The following GRM5 variants were observed in gnomAD, a reference collection of about 807,000 sequenced individuals.
GRM5 encodes glutamate metabotropic receptor 5.
GRM5 carries 19 observed loss-of-function variants against 83.1 expected under a neutral mutation model. That is an observed-to-expected ratio of 0.23 (90% CI 0.16 to 0.34). GRM5 has a LOEUF of 0.34. GRM5 is among the 10% of genes least tolerant of loss of function. The probability of loss-of-function intolerance (pLI) is 1.00; values close to 1 mark genes in which losing one functional copy is unlikely to be tolerated. For synonymous variants in GRM5, 675 were observed against 633.6 expected, an observed-to-expected ratio of 1.07 and a Z score of -0.98; for missense variants, 1,160 against 1,588.3, an observed-to-expected ratio of 0.73 and a Z score of 4.58.
intron 2 of GRM5, among the ~76,000 whole-genome samples, chr11:88,901,151 G>A (rs1402397484): frequency 6.6e-6 from 1 of 152,110 alleles, no homozygotes; most frequent in Non-Finnish European, 1.5e-5. Context: ...TGGGTAACTT[G>A]TGAGATCCGT....
intron 1 of GRM5, among the ~76,000 whole-genome samples, chr11:89,061,649 C>T (rs1450109060): frequency 6.6e-6 from 1 of 152,120 alleles, no homozygotes; most frequent in Non-Finnish European, 1.5e-5. Flanking sequence ...GTGAATTTTT[C>T]AATTTCCCCC....
chr11:88,961,102 G>T (rs187735526), intron 2 of GRM5, among the ~76,000 whole-genome samples: 2,559 of 152,236 alleles, frequency 0.017, 70 homozygotes, highest in African/African-American at 0.059. Flanking sequence ...GTTGCTAGGG[G>T]TACTGTGAAT....
intron 6 of GRM5, among the ~76,000 whole-genome samples, chr11:88,593,903 C>CCAGCCT (rs1312868618): frequency 6.6e-6 from 1 of 151,542 alleles, no homozygotes; most frequent in Non-Finnish European, 1.5e-5. Context: ...ACGCCATTCT[C>CCAGCCT]CAGCCTCAGC....
In GRM5 at chr11:88,794,332, T is replaced by C. The variant is rs2135478377; in HGVS notation, c.911+55574A>G. Among the ~76,000 whole-genome samples, 2 of 152,314 alleles carry C rather than the reference T, an allele frequency of 1.3e-5. 1 individual carries two copies. The highest frequency in any genetic ancestry group is 6.8e-3 in the Middle Eastern group (2 of 294). On this transcript the variant is annotated intron_variant, in intron 3 of 9. Coordinates refer to ENST00000305447, the MANE Select transcript of GRM5 (RefSeq NM_001143831.3). Reference sequence around the variant, plus strand: ...TCTAGTAATATGAGTTATTTCACTTTCCTCTGTAACACCATTCTGTGGACA... The same window carrying C: ...TCTAGTAATATGAGTTATTTCACTTCCCTCTGTAACACCATTCTGTGGACA...
intron 3 of GRM5, among the ~76,000 whole-genome samples, chr11:88,704,804 G>A (rs1393664156): frequency 6.6e-6 from 1 of 151,694 alleles, no homozygotes; most frequent in Admixed American, 6.6e-5. Flanking sequence ...TACTTTTTCT[G>A]TTCTCTCCTA....
chr11:88,975,186 A>G (rs1939293402), intron 2 of GRM5, among the ~76,000 whole-genome samples: 1 of 152,210 alleles, frequency 6.6e-6, no homozygotes, highest in Non-Finnish European at 1.5e-5. Context: ...AATTTCTCAA[A>G]TATATCATAT....
chr11:88,910,934 T>G (rs974329008), intron 2 of GRM5, among the ~76,000 whole-genome samples: 6 of 152,038 alleles, frequency 3.9e-5, no homozygotes, highest in African/African-American at 1.4e-4. Context: ...CCCTTTTCAG[T>G]AGCTAGAGAA....
Position 88,597,447 on chromosome 11 carries a change from T to C in GRM5, c.1395-95A>G, listed in dbSNP as rs1252497802. 3 of 645,188 alleles carry C rather than the reference T, an allele frequency of 4.6e-6. No homozygotes were observed. In the Admixed American group the frequency reaches 1.0e-4, roughly 22 times the overall value. 40.0% of individuals were successfully genotyped at this position (645,188 alleles called of 1,614,324 possible). A position where few individuals can be genotyped will look rare whatever the true frequency, so the allele number is the denominator to read the frequency against. The stretch of plus-strand genomic sequence containing the variant: ...TTTATTCCCAAAAATGTGTCTATTG[T>C]CATATAAGTAGCACTGGAATTTTCC... On this transcript the variant is annotated intron_variant, in intron 5 of 9. Coordinates refer to ENST00000305447, the MANE Select transcript of GRM5 (RefSeq NM_001143831.3).
intron 3 of GRM5, among the ~76,000 whole-genome samples, chr11:88,718,112 G>A (rs1941440540): frequency 6.6e-6 from 1 of 151,726 alleles, no homozygotes; most frequent in African/African-American, 2.4e-5. Context: ...TACCTTTCCA[G>A]AATTAATTCT....
At chr11:88,718,799 A>G (rs1362879629) in intron 3 of GRM5, among the ~76,000 whole-genome samples, 1 of 152,006 alleles carries the variant, frequency 6.6e-6, no homozygotes, top group East Asian at 1.9e-4. Context: ...ACCTTTATAG[A>G]CTAAAGGCTT....
chr11:88,607,996 G>A (rs1265502028), intron 4 of GRM5, among the ~76,000 whole-genome samples: 1 of 152,180 alleles, frequency 6.6e-6, no homozygotes, highest in Non-Finnish European at 1.5e-5. Context: ...CAATGATTTA[G>A]CACAGTAAGT....
intron 2 of GRM5, among the ~76,000 whole-genome samples, chr11:88,962,448 T>C (rs1938815404): frequency 6.6e-6 from 1 of 152,216 alleles, no homozygotes; most frequent in South Asian, 2.1e-4. Context: ...ACTCATCCAA[T>C]TATTTTCTAA....
intron 2 of GRM5, among the ~76,000 whole-genome samples, chr11:88,977,717 T>C (rs912190917): frequency 6.6e-6 from 1 of 152,226 alleles, no homozygotes; most frequent in Non-Finnish European, 1.5e-5. Flanking sequence ...TAATTCAAGA[T>C]TTCATATTTT....
intron 3 of GRM5, among the ~76,000 whole-genome samples, chr11:88,795,935 A>G (rs1943266967): frequency 6.6e-6 from 1 of 152,206 alleles, no homozygotes; most frequent in Non-Finnish European, 1.5e-5. Flanking sequence ...TTAGCTAATC[A>G]TCTGGATTGT....
chr11:88,842,277 T>A (rs1442071614), intron 3 of GRM5, among the ~76,000 whole-genome samples: 1 of 152,164 alleles, frequency 6.6e-6, no homozygotes, highest in Non-Finnish European at 1.5e-5. Context: ...CAAAAATAAA[T>A]TTCAACCTAT....
chr11:88,960,220 T>C (rs915676918), intron 2 of GRM5, among the ~76,000 whole-genome samples: 5 of 151,574 alleles, frequency 3.3e-5, no homozygotes, highest in African/African-American at 1.2e-4. Context: ...TGTAGGTCTA[T>C]TTATATTTAG....
chr11:89,036,773 C>T (rs1369786102), intron 2 of GRM5, among the ~76,000 whole-genome samples: 2 of 151,262 alleles, frequency 1.3e-5, no homozygotes, highest in African/African-American at 4.9e-5. Context: ...TTCAAAGCGT[C>T]AAAAAACAGA....
At chr11:88,689,441 T>C (rs1940725603) in intron 3 of GRM5, among the ~76,000 whole-genome samples, 1 of 152,170 alleles carries the variant, frequency 6.6e-6, no homozygotes, top group Non-Finnish European at 1.5e-5. Context: ...GCAGAAGAAC[T>C]GAAGTGATGA....
intron 8 of GRM5, among the ~76,000 whole-genome samples, chr11:88,561,667 G>C (rs533062874): frequency 6.6e-6 from 1 of 152,142 alleles, no homozygotes; most frequent in Non-Finnish European, 1.5e-5. Flanking sequence ...GCTGCACCAT[G>C]TTGTGCTGGA....
Sources: allele counts gnomAD v4.1 joint callset (sites outside exome capture counted in the v4.1 genomes callset), GRCh38; gene constraint gnomAD v4.1.1; transcripts MANE v1.5; gene names NCBI Gene and HGNC (gene_info 2026-07-23, HGNC 2026-07-21).